GFRA1: variants seen among roughly 807,000 people sequenced by gnomAD.
GFRA1 encodes GDNF family receptor alpha-1.
In GFRA1, 16 loss-of-function variants were observed where a neutral mutation model predicts 51.6. That is an observed-to-expected ratio of 0.31 (90% CI 0.21 to 0.47). The LOEUF is 0.47. GFRA1 is among the 20% of genes least tolerant of loss of function. GFRA1 has a pLI of 1.00. For synonymous variants in GFRA1, 270 were observed against 241.3 expected (o/e 1.12, Z -1.10); for missense variants, 530 against 594.3 (o/e 0.89, Z 1.13).
At chr10:116,085,089 T>C (rs1956036396) in intron 9 of GFRA1, among the ~76,000 whole-genome samples, 1 of 152,162 alleles carries the variant, frequency 6.6e-6, no homozygotes, top group Non-Finnish European at 1.5e-5. Flanking sequence ...TTCTGTAACA[T>C]TTTACACTAA....
At chr10:116,188,373 T>C (rs1441434323) in intron 5 of GFRA1, among the ~76,000 whole-genome samples, 2 of 152,044 alleles carry the variant, frequency 1.3e-5, no homozygotes, top group African/African-American at 4.8e-5. Context: ...AAAGGACAAA[T>C]AGTTTATTAT....
intron 9 of GFRA1, among the ~76,000 whole-genome samples, chr10:116,075,779 C>T (rs1955592245): frequency 1.3e-5 from 2 of 152,082 alleles, no homozygotes. Flanking sequence ...GAGTCTTGCT[C>T]TTTCACCCAG....
At chr10:116,176,537 C>A (rs1270922501) in intron 5 of GFRA1, among the ~76,000 whole-genome samples, 1 of 152,164 alleles carries the variant, frequency 6.6e-6, no homozygotes, top group Non-Finnish European at 1.5e-5. Context: ...TCCCCCTTTA[C>A]CTTCTGCCAT....
chr10:116,085,445 T>C (rs1302174416), intron 9 of GFRA1, among the ~76,000 whole-genome samples: 2 of 152,178 alleles, frequency 1.3e-5, no homozygotes, highest in African/African-American at 4.8e-5. Flanking sequence ...CCCAAGCTGG[T>C]TAAAGTCAGT....
At chr10:116,228,630 G>T (rs531922308) in intron 4 of GFRA1, among the ~76,000 whole-genome samples, 1 of 152,194 alleles carries the variant, frequency 6.6e-6, no homozygotes, top group Non-Finnish European at 1.5e-5. Context: ...GGTGAAAAAA[G>T]GGTCAGAGAG....
At chr10:116,193,260 C>A (rs1963432371) in intron 5 of GFRA1, among the ~76,000 whole-genome samples, 1 of 152,262 alleles carries the variant, frequency 6.6e-6, no homozygotes, top group Non-Finnish European at 1.5e-5. Context: ...GGACCCCTGC[C>A]ACCTCCACAC....
intron 4 of GFRA1, among the ~76,000 whole-genome samples, chr10:116,251,267 T>G (rs1968331317): frequency 6.6e-6 from 1 of 152,188 alleles, no homozygotes; most frequent in Non-Finnish European, 1.5e-5. Context: ...AGACATTTGT[T>G]GATGGACCGA....
chr10:116,065,478 CTTGTCTTTGAATGCTTTA>C (rs1955060016), intron 10 of GFRA1, 77 bp downstream of exon 10: 4 of 990,274 alleles, frequency 4.0e-6, no homozygotes, highest in Admixed American at 3.7e-5. Flanking sequence ...TGGATACCTT[CTTGTCTTTGAATGCTTTA>C]TATGATACCC....
intron 5 of GFRA1, among the ~76,000 whole-genome samples, chr10:116,138,021 T>G (rs1958405171): frequency 6.6e-6 from 1 of 152,134 alleles, no homozygotes; most frequent in Non-Finnish European, 1.5e-5. Context: ...CAGGCTGGTC[T>G]CAAACTCGTG....
chr10:116,176,479 T>A lies in GFRA1; in HGVS notation c.433+35152A>T, dbSNP rs141954878. On this transcript the variant is annotated intron_variant, in intron 5 of 10. Transcript: ENST00000355422. ...CGGGAGATCTGGTTGTTTAAGAGTG[T>A]GTGGCACCTCCCCCCACCACTCTAT... Among the ~76,000 whole-genome samples the A allele has an allele frequency of 3.5e-3, 537 of 152,152 alleles. 5 individuals are homozygous for A. Among genetic ancestry groups the A allele is most frequent in the African/African-American group, 0.012 (514 of 41,494 alleles).
rs1267654942 is a variant in GFRA1 at position 116,058,964 on chromosome 10, G to C, written c.*5434C>G. On this transcript the variant is annotated 3_prime_UTR_variant, in exon 11 of 11. Transcript: ENST00000355422. ...CGTTTTGGGCTCTGTCCTTCCTGGC[G>C]GATGTGAGCCTGTTGGGAGAGATGC... 6.6e-6 allele frequency: 1 copy of C among 152,142 alleles called. No individual in the cohort carries two copies. The highest frequency in any genetic ancestry group is 1.9e-4 in the East Asian group (1 of 5,174). 9.4% of individuals were successfully genotyped at this position (152,142 alleles called of 1,614,324 possible).
Position 116,194,050 on chromosome 10 carries a change from ATAAATAAAT to A in GFRA1, c.433+17572_433+17580del, listed in dbSNP as rs1565641205. Reference sequence around the variant, plus strand: ...GGAGACTCCGTCTCAATAAAAAAAAATAAATAAATAAAATTTAAAAAAAAAAAAAAAAGG... The same window carrying A: ...GGAGACTCCGTCTCAATAAAAAAAAAAAAATTTAAAAAAAAAAAAAAAAGG... On this transcript the variant is annotated intron_variant, in intron 5 of 10. Transcript: ENST00000355422. Among the ~76,000 whole-genome samples, 53 of 101,148 alleles carry A rather than the reference ATAAATAAAT, an allele frequency of 5.2e-4. 1 individual carries two copies. The highest frequency in any genetic ancestry group is 9.0e-3 in the Middle Eastern group (2 of 222). The allele number at this position is 101,148 out of a possible 152,430, so 66.4% of individuals were successfully genotyped here.
At chr10:116,193,925 G>T (rs1227854362) in intron 5 of GFRA1, among the ~76,000 whole-genome samples, 2 of 151,956 alleles carry the variant, frequency 1.3e-5, no homozygotes, top group African/African-American at 4.8e-5. Context: ...TGTAGTCCCA[G>T]CTACTCCGGA....
chr10:116,135,328 G>C (rs1040614513), intron 5 of GFRA1, among the ~76,000 whole-genome samples: 1 of 152,078 alleles, frequency 6.6e-6, no homozygotes, highest in East Asian at 1.9e-4. Flanking sequence ...TAAAAATCTC[G>C]GGTTCATAAA....
At chr10:116,147,100 G>A (rs1396030161) in intron 5 of GFRA1, among the ~76,000 whole-genome samples, 3 of 152,140 alleles carry the variant, frequency 2.0e-5, no homozygotes, top group African/African-American at 4.8e-5. Context: ...TTTGATAAAG[G>A]TGGGCTTGTA....
rs1420880437 is a variant in GFRA1 at position 116,064,269 on chromosome 10, T to A, written c.*129A>T. 58 of 775,872 alleles carry A rather than the reference T, an allele frequency of 7.5e-5. No homozygotes were observed. Among genetic ancestry groups the A allele is most frequent in the African/African-American group, 2.0e-4 (11 of 55,790 alleles). 48.1% of individuals were successfully genotyped at this position (775,872 alleles called of 1,614,324 possible). On this transcript the variant is annotated 3_prime_UTR_variant, in exon 11 of 11. Coordinates refer to ENST00000355422, the MANE Select transcript of GFRA1 (RefSeq NM_005264.8). ...CTTTCTTAAAAGGAAAAAAAAAAAA[T>A]GTTCCAGTTGAATGGAACTGTTTCT...
intron 5 of GFRA1, among the ~76,000 whole-genome samples, chr10:116,148,661 G>A (rs941963224): frequency 2.0e-5 from 3 of 152,138 alleles, no homozygotes; most frequent in Admixed American, 1.3e-4. Flanking sequence ...GTTCCAGAAT[G>A]AGCTTTACTA....
chr10:116,242,724 C>T (rs966271530), intron 4 of GFRA1, among the ~76,000 whole-genome samples: 2 of 152,166 alleles, frequency 1.3e-5, no homozygotes, highest in South Asian at 2.1e-4. Context: ...TCAGGTGATC[C>T]GCCTGCCTCA....
rs1327816643 is a variant in GFRA1 at position 116,146,095 on chromosome 10, CAT to C, written c.434-20540_434-20539del. 2.4e-4 allele frequency among the ~76,000 whole-genome samples: 36 copies of C among 152,052 alleles called. 1 individual carries two copies. In the East Asian group the frequency reaches 4.1e-3, roughly 17 times the overall value. ...ATTCACATATTTATATATTTATACA[CAT>C]ATGTGAGTATATATGATAATTTTAT... is the stretch of plus-strand genomic sequence containing the variant. On this transcript the variant is annotated intron_variant, in intron 5 of 10. Coordinates refer to ENST00000355422, the MANE Select transcript of GFRA1 (RefSeq NM_005264.8).
Sources: gnomAD v4.1 joint callset for allele counts (sites outside exome capture counted in the v4.1 genomes callset) on GRCh38, gnomAD v4.1.1 for gene constraint, MANE v1.5 for transcripts, NCBI Gene and HGNC (gene_info 2026-07-23, HGNC 2026-07-21) for gene names.